RIMS1: variants seen among roughly 807,000 people sequenced by gnomAD.
RIMS1 encodes regulating synaptic membrane exocytosis 1.
Under a neutral mutation model 214.1 loss-of-function variants are expected in RIMS1, and 83 were observed. The observed-to-expected ratio is 0.39, with a 90% CI of 0.32 to 0.47. The LOEUF (loss-of-function observed/expected upper bound fraction) is 0.47, where lower values mean the gene tolerates loss of function less well. RIMS1 is among the 20% of genes least tolerant of loss of function. The pLI is 0.99. For synonymous variants in RIMS1, 793 were observed against 786.8 expected, an observed-to-expected ratio of 1.01 and a Z score of -0.13; for missense variants, 2,050 against 2,161.8, an observed-to-expected ratio of 0.95 and a Z score of 1.03.
chr6:72,160,952 G>T (rs1318653630), intron 4 of RIMS1, among the ~76,000 whole-genome samples: 1 of 139,700 alleles, frequency 7.2e-6, no homozygotes, highest in African/African-American at 2.5e-5. Flanking sequence ...AGTTTCAGAA[G>T]GAATGGTACC....
intron 1 of RIMS1, among the ~76,000 whole-genome samples, chr6:71,932,558 G>A (rs1166740531): frequency 6.6e-6 from 1 of 152,042 alleles, no homozygotes; most frequent in Non-Finnish European, 1.5e-5. Flanking sequence ...GAAATAATCT[G>A]TAAAACAAAC....
chr6:71,985,520 T>C (rs1799682671), intron 2 of RIMS1, among the ~76,000 whole-genome samples: 1 of 152,210 alleles, frequency 6.6e-6, no homozygotes. Flanking sequence ...ATATATTATA[T>C]CTTCATGATG....
intron 31 of RIMS1, among the ~76,000 whole-genome samples, chr6:72,396,869 C>T (rs2098784549): frequency 6.6e-6 from 1 of 152,020 alleles, no homozygotes; most frequent in Non-Finnish European, 1.5e-5. Context: ...AAAATATAGC[C>T]AGGCATGGTG....
At chr6:72,051,975 GA>G (rs1824830378) in intron 2 of RIMS1, among the ~76,000 whole-genome samples, 1 of 152,062 alleles carries the variant, frequency 6.6e-6, no homozygotes. Flanking sequence ...AAACAAGGTG[GA>G]AACAAATGAA....
At chr6:72,072,740 A>G (rs530850159) in intron 2 of RIMS1, among the ~76,000 whole-genome samples, 2 of 152,290 alleles carry the variant, frequency 1.3e-5, no homozygotes, top group East Asian at 3.9e-4. Context: ...ACTAGTGTCA[A>G]CACCACCCTT....
At chr6:71,984,157 A>G (rs1584149632) in intron 2 of RIMS1, among the ~76,000 whole-genome samples, 1 of 152,306 alleles carries the variant, frequency 6.6e-6, no homozygotes, top group Non-Finnish European at 1.5e-5. Context: ...TTAATTGAAC[A>G]TTGGATTTCT....
chr6:72,381,847 C>A (rs2098495739), intron 29 of RIMS1, among the ~76,000 whole-genome samples: 1 of 152,140 alleles, frequency 6.6e-6, no homozygotes, highest in East Asian at 1.9e-4. Flanking sequence ...AATGTTCGAA[C>A]AGATGAATCC....
chr6:71,921,709 A>G (rs1174637724), intron 1 of RIMS1, among the ~76,000 whole-genome samples: 1 of 152,232 alleles, frequency 6.6e-6, no homozygotes, highest in Non-Finnish European at 1.5e-5. Context: ...AACTTTGTAT[A>G]TATAGCATAC....
rs1482600164 is a variant in RIMS1 at position 72,157,670 on chromosome 6, T to C, written c.472-21905T>C. On this transcript the variant is annotated intron_variant, in intron 4 of 33. Transcript: ENST00000521978. ...ATCTTTCTGTATCCTTATGTTCTAG[T>C]AGTCTTTCTTCTAATTAGCAAATCA... Among the ~76,000 whole-genome samples the C allele has an allele frequency of 2.8e-5, 4 of 140,414 alleles. 1 individual carries two copies. The highest frequency in any genetic ancestry group is 3.2e-5 in the Non-Finnish European group (2 of 61,764). 92.1% of individuals were successfully genotyped at this position (140,414 alleles called of 152,430 possible). A position where few individuals can be genotyped will look rare whatever the true frequency, so the allele number is the denominator to read the frequency against.
intron 28 of RIMS1, among the ~76,000 whole-genome samples, chr6:72,330,247 A>G (rs1051674349): frequency 6.6e-6 from 1 of 151,832 alleles, no homozygotes; most frequent in Non-Finnish European, 1.5e-5. Flanking sequence ...GTGTGGAGTT[A>G]TTAGCGACTG....
intron 4 of RIMS1, among the ~76,000 whole-genome samples, chr6:72,147,325 T>C (rs1401548423): frequency 6.6e-6 from 1 of 152,188 alleles, no homozygotes; most frequent in Non-Finnish European, 1.5e-5. Flanking sequence ...TGAGTAGTTG[T>C]AAGATTTTTC....
At chr6:72,317,786 A>G (rs967014014) in intron 28 of RIMS1, among the ~76,000 whole-genome samples, 5 of 152,128 alleles carry the variant, frequency 3.3e-5, no homozygotes, top group African/African-American at 9.7e-5. Context: ...CCGAACTTCA[A>G]TTGCTTTACT....
At chr6:72,149,939 C>T (rs577851771) in intron 4 of RIMS1, among the ~76,000 whole-genome samples, 3 of 152,310 alleles carry the variant, frequency 2.0e-5, no homozygotes, top group African/African-American at 7.2e-5. Flanking sequence ...CCTAGCCTGC[C>T]TGTTTTACAG....
chr6:72,003,508 A>G (rs1806088934), intron 2 of RIMS1, among the ~76,000 whole-genome samples: 1 of 151,972 alleles, frequency 6.6e-6, no homozygotes, highest in South Asian at 2.1e-4. Flanking sequence ...CTGACACCTA[A>G]TTTTCAGCTT....
chr6:72,246,009 A>G (rs35512671), intron 11 of RIMS1, 148 bp downstream of exon 11: 13,313 of 571,502 alleles, frequency 0.023, 216 homozygotes, highest in Middle Eastern at 0.042. Flanking sequence ...AATGATGGCA[A>G]TAACTGGAAA....
intron 17 of RIMS1, 95 bp downstream of exon 17, chr6:72,258,376 T>A: frequency 8.0e-7 from 1 of 1,257,370 alleles, no homozygotes; most frequent in East Asian, 2.5e-5. Flanking sequence ...AAAAAATAGT[T>A]TGGTCAAATT....
intron 4 of RIMS1, among the ~76,000 whole-genome samples, chr6:72,159,209 T>C (rs2044912343): frequency 7.1e-6 from 1 of 141,300 alleles, no homozygotes; most frequent in South Asian, 2.3e-4. Context: ...TTGAGAAGTG[T>C]CTGTTCATAT....
intron 19 of RIMS1, chr6:72,262,276 G>T: frequency 1.2e-6 from 1 of 828,430 alleles, no homozygotes; most frequent in Non-Finnish European, 1.5e-6. Context: ...ACTTAAGATT[G>T]GTGCTTTGCT....
intron 2 of RIMS1, among the ~76,000 whole-genome samples, chr6:72,096,382 G>A (rs373915745): frequency 1.3e-5 from 2 of 152,120 alleles, no homozygotes; most frequent in African/African-American, 4.8e-5. Context: ...CCAGGAATGG[G>A]GGATAGAAGA....
Sources: allele counts gnomAD v4.1 joint callset (sites outside exome capture counted in the v4.1 genomes callset), GRCh38; gene constraint gnomAD v4.1.1; transcripts MANE v1.5; gene names NCBI Gene and HGNC (gene_info 2026-07-23, HGNC 2026-07-21).